Variants in GNA12 observed in about 807,000 individuals in gnomAD.
The protein encoded by GNA12 is G protein subunit alpha 12.
GNA12 carries 9 observed loss-of-function variants against 26.0 expected under a neutral mutation model. The observed-to-expected ratio is 0.35, with a 90% CI of 0.21 to 0.60. The LOEUF is 0.60. GNA12 is among the 20% of genes least tolerant of loss of function. The pLI is 0.78. For missense variants in GNA12, 405 were observed against 525.8 expected, an observed-to-expected ratio of 0.77 and a Z score of 2.25; for synonymous variants, 264 against 219.6, an observed-to-expected ratio of 1.20 and a Z score of -1.79.
intron 1 of GNA12, among the ~76,000 whole-genome samples, chr7:2,795,436 G>A (rs1487512612): frequency 3.9e-5 from 6 of 152,110 alleles, no homozygotes; most frequent in Admixed American, 2.0e-4. Flanking sequence ...TCTGAGACCG[G>A]CCTGGGCAAC....
chr7:2,790,848 C>T (rs547874558), intron 2 of GNA12, among the ~76,000 whole-genome samples: 1 of 152,186 alleles, frequency 6.6e-6, no homozygotes, highest in South Asian at 2.1e-4. Context: ...GTGGCACATG[C>T]CTGTGATCCC....
intron 2 of GNA12, among the ~76,000 whole-genome samples, chr7:2,761,113 G>A (rs367593359): frequency 1.3e-5 from 2 of 152,292 alleles, no homozygotes; most frequent in East Asian, 3.9e-4. Flanking sequence ...TCTGGCTCTC[G>A]GCTGTGGGGC....
chr7:2,736,723 C>T (rs894103426), intron 2 of GNA12, among the ~76,000 whole-genome samples: 2 of 152,236 alleles, frequency 1.3e-5, no homozygotes, highest in Non-Finnish European at 2.9e-5. Flanking sequence ...CCCACACCTC[C>T]GGTGGGAGAA....
At chr7:2,743,793 T>C (rs772763750) in intron 2 of GNA12, among the ~76,000 whole-genome samples, 24 of 152,140 alleles carry the variant, frequency 1.6e-4, no homozygotes, top group Non-Finnish European at 3.5e-4. Flanking sequence ...GGGTGACACA[T>C]AGCACCTGGA....
At chr7:2,754,880 G>A (rs752183982) in intron 2 of GNA12, among the ~76,000 whole-genome samples, 1 of 152,194 alleles carries the variant, frequency 6.6e-6, no homozygotes, top group Non-Finnish European at 1.5e-5. Context: ...TAGGCCCCAA[G>A]GAGTTTCTAC....
chr7:2,756,404 C>A (rs113467909), intron 2 of GNA12, among the ~76,000 whole-genome samples: 5 of 151,950 alleles, frequency 3.3e-5, no homozygotes, highest in African/African-American at 1.2e-4. Context: ...TATAATCCTA[C>A]GAGTTCAAGA....
At chr7:2,793,334 G>A (rs542055542) in intron 2 of GNA12, among the ~76,000 whole-genome samples, 5 of 151,452 alleles carry the variant, frequency 3.3e-5, no homozygotes, top group Admixed American at 2.0e-4. Flanking sequence ...GACAGGACGC[G>A]AGAGGAAGCA....
At chr7:2,750,121 C>T (rs1290749503) in intron 2 of GNA12, among the ~76,000 whole-genome samples, 1 of 151,994 alleles carries the variant, frequency 6.6e-6, no homozygotes, top group African/African-American at 2.4e-5. Flanking sequence ...CTGAATAATC[C>T]ACAGGTCAAA....
chr7:2,817,563 A>G (rs913545786), intron 1 of GNA12, among the ~76,000 whole-genome samples: 1 of 152,182 alleles, frequency 6.6e-6, no homozygotes, highest in African/African-American at 2.4e-5. Context: ...GAGACATTAT[A>G]TATTTCTTCA....
chr7:2,734,550 G>C (rs758948090), intron 2 of GNA12, among the ~76,000 whole-genome samples: 1 of 152,226 alleles, frequency 6.6e-6, no homozygotes, highest in African/African-American at 2.4e-5. Flanking sequence ...TGATGGCGCT[G>C]AAGCTCGTGG....
chr7:2,738,425 G>A (rs560473376), intron 2 of GNA12, among the ~76,000 whole-genome samples: 12 of 152,312 alleles, frequency 7.9e-5, no homozygotes, highest in South Asian at 2.1e-4. Context: ...GCTACGCACC[G>A]GCGAAGGAGA....
intron 1 of GNA12, among the ~76,000 whole-genome samples, chr7:2,796,409 G>A (rs886328016): frequency 1.3e-5 from 2 of 152,082 alleles, no homozygotes; most frequent in African/African-American, 2.4e-5. Context: ...TTCCGTTGGC[G>A]GCTGGCTGTG....
chr7:2,833,537 G>A (rs1157870239), intron 1 of GNA12, among the ~76,000 whole-genome samples: 2 of 152,136 alleles, frequency 1.3e-5, no homozygotes, highest in Non-Finnish European at 2.9e-5. Context: ...CGAAAGCCAG[G>A]GGACAAGACC....
chr7:2,834,523 C>G (rs1778773139), intron 1 of GNA12, among the ~76,000 whole-genome samples: 1 of 152,204 alleles, frequency 6.6e-6, no homozygotes, highest in Non-Finnish European at 1.5e-5. Context: ...CAGCACCTAG[C>G]ACAATGCCGT....
At chr7:2,770,054 G>A (rs1166580204) in intron 2 of GNA12, among the ~76,000 whole-genome samples, 1 of 152,190 alleles carries the variant, frequency 6.6e-6, no homozygotes, top group African/African-American at 2.4e-5. Flanking sequence ...GCAGAGCTAA[G>A]ATTCAATTCA....
chr7:2,791,214 C>T (rs1792509615), intron 2 of GNA12, among the ~76,000 whole-genome samples: 1 of 152,200 alleles, frequency 6.6e-6, no homozygotes, highest in South Asian at 2.1e-4. Context: ...CCTGCTCTGT[C>T]TTACTTAACT....
chr7:2,810,901 AAAAGAAAG>A (rs35629917), intron 1 of GNA12, among the ~76,000 whole-genome samples: 47 of 149,906 alleles, frequency 3.1e-4, no homozygotes, highest in African/African-American at 9.1e-4. Flanking sequence ...TCTGTCTTAA[AAAAGAAAG>A]AAAGAAAGAA....
intron 1 of GNA12, among the ~76,000 whole-genome samples, chr7:2,800,444 A>G (rs1404245499): frequency 6.6e-6 from 1 of 152,204 alleles, no homozygotes; most frequent in Non-Finnish European, 1.5e-5. Flanking sequence ...ACAACCACAC[A>G]CAGTGTCCCA....
At chr7:2,762,946 G>A in intron 2 of GNA12, 4 of 1,376,682 alleles carry the variant, frequency 2.9e-6, no homozygotes, top group South Asian at 1.8e-5. Context: ...ACTCCCGTGG[G>A]GCCCGTGCCA....
Sources: allele counts gnomAD v4.1 joint callset (sites outside exome capture counted in the v4.1 genomes callset), GRCh38; gene constraint gnomAD v4.1.1; transcripts MANE v1.5; gene names NCBI Gene and HGNC (gene_info 2026-07-23, HGNC 2026-07-21).